SPRING1: variants seen among roughly 807,000 people sequenced by gnomAD.
The protein encoded by SPRING1 is SREBP regulating gene protein.
SPRING1 carries 14 observed loss-of-function variants against 24.7 expected under a neutral mutation model. The ratio of observed to expected loss-of-function variants is 0.57; its 90% CI spans 0.37 to 0.88. SPRING1 has a LOEUF of 0.88. Among genes scored for constraint, SPRING1 ranks in the 40% least tolerant of loss-of-function variants. SPRING1 has a pLI of 0.00. For missense variants in SPRING1, 255 were observed against 268.4 expected (o/e 0.95, Z 0.35); for synonymous variants, 93 against 106.1 (o/e 0.88, Z 0.76).
rs1870272042 is a variant in SPRING1, at chr12:116,718,710, G to A, written c.535-817C>T. On this transcript the variant is annotated intron_variant, in intron 4 of 4. Transcript: ENST00000261318. The stretch of plus-strand genomic sequence containing the variant: ...ATAATTCCTGGGTTTTATCAGTGAA[G>A]GAAAGAAAATACTTCGCCTTTTCTA... 2.0e-5 allele frequency among the ~76,000 whole-genome samples: 3 copies of A among 152,330 alleles called. No individual in the cohort carries two copies. The South Asian group carries it at 6.2e-4, about 32-fold the overall frequency.
chr12:116,716,648 G>A lies in SPRING1; in HGVS notation c.*1162C>T, dbSNP rs1242859720. ...CAGGACACACCAGCAACCTACACGT[G>A]TAGCATTCTCTAAGTCATAATGACC... On this transcript the variant is annotated 3_prime_UTR_variant, in exon 5 of 5. Coordinates refer to ENST00000261318, the MANE Select transcript of SPRING1 (RefSeq NM_024738.4). 1 of 152,590 alleles carries A rather than the reference G, an allele frequency of 6.6e-6. No individual in the cohort carries two copies. Among genetic ancestry groups the A allele is most frequent in the African/African-American group, 2.4e-5 (1 of 41,454 alleles). The allele number at this position is 152,590 out of a possible 1,614,324, so 9.5% of individuals were successfully genotyped here.
intron 1 of SPRING1, among the ~76,000 whole-genome samples, chr12:116,725,596 A>G: frequency 6.6e-6 from 1 of 152,350 alleles, no homozygotes; most frequent in African/African-American, 2.4e-5. Context: ...TATACTTAGT[A>G]CTTTTCTGGC....
At position 116,719,865 on chromosome 12, in the gene SPRING1, CAGG is replaced by C; in HGVS notation, c.429_431del (p.Leu144del). 6.2e-7 allele frequency: 1 copy of C among 1,614,140 alleles called. No homozygotes were observed. Among genetic ancestry groups the C allele is most frequent in the Non-Finnish European group, 8.5e-7 (1 of 1,179,998 alleles). ...CGGCTGCCCGGTTGAGGAAGCGCTC[CAGG>C]AGAAGTTGCTATGGAAACAAAAGTT... On this transcript the variant is annotated inframe_deletion, in exon 4 of 5. Transcript: ENST00000261318.
At chr12:116,730,650 T>C (rs1870929455) in intron 1 of SPRING1, among the ~76,000 whole-genome samples, 1 of 152,244 alleles carries the variant, frequency 6.6e-6, no homozygotes, top group Admixed American at 6.5e-5. Flanking sequence ...TTTCATAAAC[T>C]GTTCAGATCC....
In SPRING1 at chr12:116,728,825, G is replaced by C. The variant is rs1328643680; in HGVS notation, c.112-5602C>G. Among the ~76,000 whole-genome samples the C allele has an allele frequency of 6.6e-6, 1 of 152,194 alleles. No homozygotes were observed. Among genetic ancestry groups the C allele is most frequent in the African/African-American group, 2.4e-5 (1 of 41,444 alleles). On this transcript the variant is annotated intron_variant, in intron 1 of 4. Coordinates refer to ENST00000261318, the MANE Select transcript of SPRING1 (RefSeq NM_024738.4). This position sits in a 1 kb window ranked among gnomAD's most constrained non-coding sequence, Gnocchi z 4.2. ...ACCCAAACTGAGGCCAGCTGAGCAG[G>C]GACGGCCAAGTCAGACGCATGCAGG...
chr12:116,732,341 C>T (rs1245869343), intron 1 of SPRING1, among the ~76,000 whole-genome samples: 3 of 152,100 alleles, frequency 2.0e-5, no homozygotes, highest in Non-Finnish European at 2.9e-5. Context: ...TTTGGGAGGC[C>T]GAGGCGGGTG....
intron 1 of SPRING1, among the ~76,000 whole-genome samples, chr12:116,724,664 C>A (rs2137036874): frequency 6.6e-6 from 1 of 152,208 alleles, no homozygotes; most frequent in Middle Eastern, 3.4e-3. Context: ...GTGACAAGAG[C>A]AAAACTCCAT....
rs899393531 is a variant in SPRING1 at position 116,715,508 on chromosome 12, C to T, written c.*2302G>A. 6.6e-6 allele frequency: 1 copy of T among 152,224 alleles called. No individual in the cohort carries two copies. Among genetic ancestry groups the T allele is most frequent in the African/African-American group, 2.4e-5 (1 of 41,452 alleles). The allele number at this position is 152,224 out of a possible 1,614,324, so 9.4% of individuals were successfully genotyped here. A position where few individuals can be genotyped will look rare whatever the true frequency, so the allele number is the denominator to read the frequency against. ...TGTGAATTTCCAAAAACAGTGAACA[C>T]ACCCCTAGCTGATTGAAATACAAAA... On this transcript the variant is annotated 3_prime_UTR_variant, in exon 5 of 5. Coordinates refer to ENST00000261318, the MANE Select transcript of SPRING1 (RefSeq NM_024738.4).
Position 116,721,727 on chromosome 12 carries a change from T to A in SPRING1, c.269-1280A>T, listed in dbSNP as rs1870444833. Among the ~76,000 whole-genome samples the A allele has an allele frequency of 2.0e-5, 3 of 152,340 alleles. No homozygotes were observed. The South Asian group carries it at 6.2e-4, about 32-fold the overall frequency. On this transcript the variant is annotated intron_variant, in intron 2 of 4. Transcript: ENST00000261318. ...GAAACAAACACAAAATGTAATTAAGTTAGTTAGCATTTTCCTCAAAATTCT... is the reference window on the plus strand; with the variant it reads ...GAAACAAACACAAAATGTAATTAAGATAGTTAGCATTTTCCTCAAAATTCT...
chr12:116,710,434 G>A lies in SPRING1; in HGVS notation c.*7376C>T, dbSNP rs1032193488. The A allele has an allele frequency of 1.2e-4, 18 of 152,204 alleles. No individual in the cohort carries two copies. The highest frequency in any genetic ancestry group is 4.3e-4 in the African/African-American group (18 of 41,446). The allele number at this position is 152,204 out of a possible 1,614,324, so 9.4% of individuals were successfully genotyped here. ...ATGCCTGTAGAAGCCCTGCTTAGTA[G>A]GAGTTCCAAGATGCTCTGTGTATCT... On this transcript the variant is annotated 3_prime_UTR_variant, in exon 5 of 5. Coordinates refer to ENST00000261318, the MANE Select transcript of SPRING1 (RefSeq NM_024738.4).
chr12:116,719,780 A>C lies in SPRING1; in HGVS notation c.517T>G (p.Cys173Gly). The C allele has an allele frequency of 1.2e-6, 2 of 1,614,158 alleles. No homozygotes were observed. Among genetic ancestry groups the C allele is most frequent in the South Asian group, 2.2e-5 (2 of 91,084 alleles). The change falls in exon 4 of 5, where the codon TGC becomes GGC. Residue 173 changes from cysteine to glycine, a missense_variant. Coordinates refer to ENST00000261318, the MANE Select transcript of SPRING1 (RefSeq NM_024738.4). ...EDHFELCLAK[C>G]RTSSQSVQHE... is the part of the protein sequence containing the mutation. ...CTTCTGACCTGAGATGAGGTCCTGC[A>C]TTTGGCCAGGCACAACTCAAAGTGA...
At chr12:116,730,661 A>G (rs150205397) in intron 1 of SPRING1, among the ~76,000 whole-genome samples, 1 of 152,362 alleles carries the variant, frequency 6.6e-6, no homozygotes, top group East Asian at 1.9e-4. Flanking sequence ...GTTCAGATCC[A>G]TGAGTCTGTG....
At chr12:116,725,586 T>C (rs889967022) in intron 1 of SPRING1, among the ~76,000 whole-genome samples, 3 of 152,176 alleles carry the variant, frequency 2.0e-5, no homozygotes, top group African/African-American at 7.2e-5. Flanking sequence ...AACTTTCTAT[T>C]ATACTTAGTA....
intron 1 of SPRING1, among the ~76,000 whole-genome samples, chr12:116,730,635 G>A (rs1203533592): frequency 6.6e-6 from 1 of 152,184 alleles, no homozygotes; most frequent in Non-Finnish European, 1.5e-5. Flanking sequence ...CCATATCAAT[G>A]AATTTTTCAT....
rs770552727 is a variant in SPRING1 at position 116,710,774 on chromosome 12, C to G, written c.*7036G>C. 3.9e-5 allele frequency: 6 copies of G among 152,134 alleles called. No individual in the cohort carries two copies. Among genetic ancestry groups the G allele is most frequent in the Non-Finnish European group, 7.4e-5 (5 of 68,020 alleles). The allele number at this position is 152,134 out of a possible 1,614,324, so 9.4% of individuals were successfully genotyped here. Reference sequence around the variant, plus strand: ...ACATTTGTCCTGTGAAAATCAAAAGCCTGGGACCCAGCCGCTGGGATACGA... The same window carrying G: ...ACATTTGTCCTGTGAAAATCAAAAGGCTGGGACCCAGCCGCTGGGATACGA... On this transcript the variant is annotated 3_prime_UTR_variant, in exon 5 of 5. Coordinates refer to ENST00000261318, the MANE Select transcript of SPRING1 (RefSeq NM_024738.4).
intron 1 of SPRING1, among the ~76,000 whole-genome samples, chr12:116,737,038 G>C (rs1484370100): frequency 6.6e-6 from 1 of 152,200 alleles, no homozygotes; most frequent in Non-Finnish European, 1.5e-5. Flanking sequence ...GATGAAGCCA[G>C]CAAATGCACG....
At chr12:116,732,519 C>G (rs1361372022) in intron 1 of SPRING1, among the ~76,000 whole-genome samples, 3 of 152,174 alleles carry the variant, frequency 2.0e-5, no homozygotes, top group African/African-American at 7.2e-5. Context: ...ACCAGCCTGG[C>G]CAACATGGCG....
At chr12:116,736,598 C>G (rs1158208560) in intron 1 of SPRING1, among the ~76,000 whole-genome samples, 1 of 152,166 alleles carries the variant, frequency 6.6e-6, no homozygotes. Context: ...CACACTTGAG[C>G]TTTGAGAGTA....
chr12:116,731,037 C>T (rs1309964492), intron 1 of SPRING1, among the ~76,000 whole-genome samples: 1 of 152,238 alleles, frequency 6.6e-6, no homozygotes, highest in East Asian at 1.9e-4. Context: ...CAAAGCTCTT[C>T]CTCAAGACAC....
Sources: allele counts gnomAD v4.1 joint callset (sites outside exome capture counted in the v4.1 genomes callset), GRCh38; gene constraint gnomAD v4.1.1; non-coding constraint Gnocchi (gnomAD v3.1); transcripts MANE v1.5; gene names NCBI Gene and HGNC (gene_info 2026-07-23, HGNC 2026-07-21).